The following NXPE2 variants were observed in gnomAD, a reference collection of about 807,000 sequenced individuals.
NXPE2 encodes neurexophilin and PC-esterase domain family member 2, also known as NXPE family member 2.
A neutral mutation model predicts 34.4 loss-of-function variants in NXPE2; 34 were observed. The ratio of observed to expected loss-of-function variants is 0.99; its 90% CI spans 0.75 to 1.31. The LOEUF is 1.31. Ranked by LOEUF, NXPE2 falls within the 40% of genes most tolerant of loss-of-function variation. NXPE2 has a pLI of 0.00. For synonymous variants in NXPE2, 235 were observed against 231.3 expected (o/e 1.02, Z -0.15); for missense variants, 649 against 672.5 (o/e 0.97, Z 0.39).
At chr11:114,778,674 G>C in the NXPE2 span, among the ~76,000 whole-genome samples, 1 of 152,188 alleles carries the variant, frequency 6.6e-6, no homozygotes. Flanking sequence ...AGCTGGGAGG[G>C]AGGAAGGTGA....
chr11:114,613,004 T>C, the NXPE2 span, among the ~76,000 whole-genome samples: 1 of 150,880 alleles, frequency 6.6e-6, no homozygotes, highest in African/African-American at 2.4e-5. Context: ...AATGGATAAT[T>C]AGTGTTGCCT....
the NXPE2 span, among the ~76,000 whole-genome samples, chr11:114,519,808 T>C: frequency 6.6e-6 from 1 of 152,130 alleles, no homozygotes; most frequent in Non-Finnish European, 1.5e-5. Context: ...GTATACAGTG[T>C]GATGTTTTGA....
chr11:114,556,367 G>A, the NXPE2 span, among the ~76,000 whole-genome samples: 1 of 152,102 alleles, frequency 6.6e-6, no homozygotes, highest in Non-Finnish European at 1.5e-5. Flanking sequence ...GCTACACTTT[G>A]TGGAGTCTCC....
the NXPE2 span, among the ~76,000 whole-genome samples, chr11:114,774,989 A>G: frequency 6.6e-6 from 1 of 152,198 alleles, no homozygotes; most frequent in Non-Finnish European, 1.5e-5. Context: ...ATATCTGTCT[A>G]CAGAACTGTA....
chr11:114,617,786 G>A, the NXPE2 span, among the ~76,000 whole-genome samples: 2 of 152,114 alleles, frequency 1.3e-5, no homozygotes, highest in Non-Finnish European at 2.9e-5. Flanking sequence ...TGCCTTGTGG[G>A]TAAGCACGGT....
chr11:114,593,489 T>C, the NXPE2 span, among the ~76,000 whole-genome samples: 1 of 152,142 alleles, frequency 6.6e-6, no homozygotes, highest in South Asian at 2.1e-4. Context: ...ATCTCACTCC[T>C]GTTAAAATGG....
chr11:114,473,786 C>T, the NXPE2 span, among the ~76,000 whole-genome samples: 1 of 152,172 alleles, frequency 6.6e-6, no homozygotes, highest in African/African-American at 2.4e-5. Context: ...TAAAGCAAGC[C>T]TACCTGGTTT....
At chr11:114,765,814 G>A in the NXPE2 span, among the ~76,000 whole-genome samples, 1 of 152,134 alleles carries the variant, frequency 6.6e-6, no homozygotes, top group African/African-American at 2.4e-5. Context: ...GATTCTCCAA[G>A]GACTTTTCTT....
the NXPE2 span, among the ~76,000 whole-genome samples, chr11:114,634,565 T>G: frequency 6.6e-6 from 1 of 152,064 alleles, no homozygotes; most frequent in African/African-American, 2.4e-5. Context: ...TGGTATTGCC[T>G]AGGTTTTCTT....
At chr11:114,472,038 T>A in the NXPE2 span, among the ~76,000 whole-genome samples, 535 of 152,278 alleles carry the variant, frequency 3.5e-3, 1 homozygote, top group African/African-American at 0.012. Flanking sequence ...CCAAGATAAA[T>A]CAAAGAGTTT....
At chr11:114,548,092 A>C in the NXPE2 span, among the ~76,000 whole-genome samples, 242 of 152,306 alleles carry the variant, frequency 1.6e-3, no homozygotes, top group African/African-American at 5.4e-3. Context: ...AAAAGTATTA[A>C]GAGATGAAGC....
chr11:114,574,338 G>GA, the NXPE2 span, among the ~76,000 whole-genome samples: 463 of 149,022 alleles, frequency 3.1e-3, 3 homozygotes, highest in African/African-American at 0.011. Context: ...AAACCTGGCA[G>GA]AAAAAAAAAT....
the NXPE2 span, among the ~76,000 whole-genome samples, chr11:114,666,383 G>C: frequency 6.6e-6 from 1 of 152,002 alleles, no homozygotes; most frequent in South Asian, 2.1e-4. Context: ...GGGGATGAAA[G>C]ATTTTTTTTC....
At chr11:114,667,327 A>T in the NXPE2 span, among the ~76,000 whole-genome samples, 2 of 152,292 alleles carry the variant, frequency 1.3e-5, no homozygotes, top group South Asian at 4.1e-4. Context: ...TATATTTAAT[A>T]ACTAAACAAA....
At chr11:114,723,553 G>A in the NXPE2 span, among the ~76,000 whole-genome samples, 2 of 152,146 alleles carry the variant, frequency 1.3e-5, no homozygotes, top group Non-Finnish European at 2.9e-5. Context: ...TTTGTGTACA[G>A]CTACAAATTC....
intron 2 of NXPE2, among the ~76,000 whole-genome samples, chr11:114,687,158 T>C (rs2135542079): frequency 6.6e-6 from 1 of 152,274 alleles, no homozygotes; most frequent in South Asian, 2.1e-4. Context: ...TTACATTTGC[T>C]TTGAGGGCTT....
At chr11:114,723,746 C>G in the NXPE2 span, among the ~76,000 whole-genome samples, 1 of 152,214 alleles carries the variant, frequency 6.6e-6, no homozygotes. Context: ...CAAAAATGAT[C>G]CTGGCAACTA....
At chr11:114,699,915 T>A (rs929450149) in intron 3 of NXPE2, among the ~76,000 whole-genome samples, 3 of 151,966 alleles carry the variant, frequency 2.0e-5, no homozygotes, top group Non-Finnish European at 4.4e-5. Context: ...TGCCTCAGCC[T>A]CCTGAGTAGC....
chr11:114,612,086 A>G, the NXPE2 span, among the ~76,000 whole-genome samples: 1 of 151,610 alleles, frequency 6.6e-6, no homozygotes, highest in Non-Finnish European at 1.5e-5. Flanking sequence ...GTGGATAATA[A>G]GTGTTGAGTC....
Sources: gnomAD v4.1 joint callset for allele counts (sites outside exome capture counted in the v4.1 genomes callset) on GRCh38, gnomAD v4.1.1 for gene constraint, MANE v1.5 for transcripts, NCBI Gene and HGNC (gene_info 2026-07-23, HGNC 2026-07-21) for gene names.